CCDC170: variants seen among roughly 807,000 people sequenced by gnomAD.
CCDC170 encodes the protein coiled-coil domain containing 170.
Under a neutral mutation model 72.6 loss-of-function variants are expected in CCDC170, and 69 were observed. That is an observed-to-expected ratio of 0.95 (90% CI 0.78 to 1.16). CCDC170 has a LOEUF of 1.16. Among genes scored for constraint, CCDC170 ranks in the 50% most tolerant of loss-of-function variants. The pLI, the probability that CCDC170 is intolerant of heterozygous loss-of-function variation, is 0.00. For missense variants in CCDC170, 852 were observed against 832.5 expected (o/e 1.02, Z -0.29); for synonymous variants, 300 against 303.9 (o/e 0.99, Z 0.13).
chr6:151,591,852 C>A (rs1776541143), intron 7 of CCDC170, among the ~76,000 whole-genome samples: 1 of 151,930 alleles, frequency 6.6e-6, no homozygotes, highest in South Asian at 2.1e-4. Context: ...AAAAAAGACC[C>A]CAAAATGTTG....
rs1169104752 is a variant in CCDC170, at chr6:151,548,285, G to C, written c.589-19G>C. The C allele has an allele frequency of 4.6e-6, 7 of 1,523,568 alleles. No homozygotes were observed. In the South Asian group the frequency reaches 9.2e-5, roughly 20 times the overall value. The allele number at this position is 1,523,568 out of a possible 1,614,324, so 94.4% of individuals were successfully genotyped here. On this transcript the variant is annotated intron_variant, in intron 4 of 10. Coordinates refer to ENST00000239374, the MANE Select transcript of CCDC170 (RefSeq NM_025059.4). ...AATTGTTAATTTTTATAGGACAGCT[G>C]TAATTGCTTTCTCTTCAGCTTAGAG...
intron 10 of CCDC170, 108 bp from the exon 11 acceptor site, chr6:151,617,839 C>T: frequency 1.0e-6 from 1 of 985,400 alleles, no homozygotes; most frequent in East Asian, 2.4e-5. Context: ...ATTTCCCTAC[C>T]TCATGCAAAC....
chr6:151,589,917 T>C (rs529100173), intron 7 of CCDC170, among the ~76,000 whole-genome samples: 41 of 152,292 alleles, frequency 2.7e-4, no homozygotes, highest in African/African-American at 9.6e-4. Flanking sequence ...GGCAGGACCC[T>C]GGTGGGGTCT....
At chr6:151,506,520 A>G (rs1782068899) in intron 1 of CCDC170, among the ~76,000 whole-genome samples, 1 of 152,242 alleles carries the variant, frequency 6.6e-6, no homozygotes, top group Non-Finnish European at 1.5e-5. Flanking sequence ...TTTATTCAAG[A>G]TGCAGGCGAT....
chr6:151,527,217 T>G (rs781418086), intron 1 of CCDC170, among the ~76,000 whole-genome samples: 1 of 152,154 alleles, frequency 6.6e-6, no homozygotes, highest in Non-Finnish European at 1.5e-5. Flanking sequence ...GATTTTTAAC[T>G]GAATAAGAGT....
intron 8 of CCDC170, 127 bp from the exon 9 acceptor site, chr6:151,596,208 A>C (rs1220539810): frequency 1.7e-6 from 2 of 1,150,648 alleles, no homozygotes; most frequent in African/African-American, 1.6e-5. Context: ...GAATCCAATG[A>C]CTTTTTTGAT....
chr6:151,510,403 CA>C (rs1782131247), intron 1 of CCDC170, among the ~76,000 whole-genome samples: 1 of 151,980 alleles, frequency 6.6e-6, no homozygotes, highest in Non-Finnish European at 1.5e-5. Flanking sequence ...AAGAAAAAGG[CA>C]AAACAAAGCA....
chr6:151,611,553 A>G (rs1776871148), intron 9 of CCDC170, among the ~76,000 whole-genome samples: 1 of 149,302 alleles, frequency 6.7e-6, no homozygotes, highest in Non-Finnish European at 1.5e-5. Context: ...CTCTGCCTTC[A>G]TAACCTAAGC....
At position 151,499,536 on chromosome 6, in the gene CCDC170, G is replaced by C. The variant is rs143106527; in HGVS notation, c.57+5351G>C. ...ATCAGACTGTATTTGACTATTCTAG[G>C]CATGCTGTATAAGTGGAATCATACT... On this transcript the variant is annotated intron_variant, in intron 1 of 10. Coordinates refer to ENST00000239374, the MANE Select transcript of CCDC170 (RefSeq NM_025059.4). 5.6e-4 allele frequency among the ~76,000 whole-genome samples: 67 copies of C among 120,070 alleles called. 2 individuals are homozygous for C. The highest frequency in any genetic ancestry group is 1.3e-3 in the South Asian group (5 of 3,786). 78.8% of individuals were successfully genotyped at this position (120,070 alleles called of 152,430 possible).
At chr6:151,611,105 G>A (rs780905272) in intron 9 of CCDC170, among the ~76,000 whole-genome samples, 57 of 152,158 alleles carry the variant, frequency 3.7e-4, no homozygotes, top group Middle Eastern at 3.4e-3. Context: ...GTGAAACCCC[G>A]TCTCTACTAA....
intron 7 of CCDC170, among the ~76,000 whole-genome samples, chr6:151,592,498 T>C (rs1029045793): frequency 1.3e-5 from 2 of 152,174 alleles, no homozygotes; most frequent in Admixed American, 6.5e-5. Context: ...GAGTAAGGGA[T>C]GTCTTACATG....
intron 1 of CCDC170, among the ~76,000 whole-genome samples, chr6:151,533,244 C>T (rs373504762): frequency 2.4e-4 from 37 of 151,432 alleles, no homozygotes; most frequent in African/African-American, 6.5e-4. Context: ...TTAGTAGAGA[C>T]GGGGTTTCAC....
rs539475659 is a variant in CCDC170, at chr6:151,562,212, T to C, written c.775-10962T>C. Among the ~76,000 whole-genome samples, 8 of 152,326 alleles carry C rather than the reference T, an allele frequency of 5.3e-5. No individual in the cohort carries two copies. The East Asian group carries it at 1.3e-3, about 26-fold the overall frequency. ...ATCCGTATTTTGAATTCTTTATCTG[T>C]CATTTCAGATATTTTGTTCCGATTA... On this transcript the variant is annotated intron_variant, in intron 5 of 10. Coordinates refer to ENST00000239374, the MANE Select transcript of CCDC170 (RefSeq NM_025059.4).
chr6:151,508,277 C>T (rs1782092667), intron 1 of CCDC170, among the ~76,000 whole-genome samples: 1 of 152,226 alleles, frequency 6.6e-6, no homozygotes, highest in African/African-American at 2.4e-5. Flanking sequence ...GTGTCTCACG[C>T]CTATAATCCC....
chr6:151,511,424 C>A (rs1782148948), intron 1 of CCDC170, among the ~76,000 whole-genome samples: 1 of 152,186 alleles, frequency 6.6e-6, no homozygotes. Context: ...TCTTCCCATC[C>A]ATGTGCTCAT....
chr6:151,543,950 A>C (rs1371988781), intron 3 of CCDC170, among the ~76,000 whole-genome samples: 1 of 152,092 alleles, frequency 6.6e-6, no homozygotes, highest in Non-Finnish European at 1.5e-5. Flanking sequence ...CATCTCTTCG[A>C]TATACTGATT....
At chr6:151,514,357 G>GA (rs1479452371) in intron 1 of CCDC170, among the ~76,000 whole-genome samples, 2 of 114,822 alleles carry the variant, frequency 1.7e-5, no homozygotes, top group African/African-American at 8.8e-5. Context: ...GGGAGGGAGG[G>GA]AGGGAGGGAG....
chr6:151,505,670 C>T lies in CCDC170; in HGVS notation c.57+11485C>T, dbSNP rs569930857. On this transcript the variant is annotated intron_variant, in intron 1 of 10. Transcript: ENST00000239374. ...CTGCACTAGAGCCCAGGCGACAAAG[C>T]GAGACTCCGTCTCAAAAAAAAAAAG... Among the ~76,000 whole-genome samples, 12 of 151,716 alleles carry T rather than the reference C, an allele frequency of 7.9e-5. No homozygotes were observed. In the South Asian group the frequency reaches 2.1e-3, roughly 26 times the overall value.
chr6:151,527,120 C>A (rs1156262099), intron 1 of CCDC170, among the ~76,000 whole-genome samples: 4 of 133,720 alleles, frequency 3.0e-5, no homozygotes, highest in Non-Finnish European at 6.2e-5. Context: ...TGGCTACGAA[C>A]TCCTGGCCTC....
Sources: allele counts gnomAD v4.1 joint callset (sites outside exome capture counted in the v4.1 genomes callset), GRCh38; gene constraint gnomAD v4.1.1; transcripts MANE v1.5; gene names NCBI Gene and HGNC (gene_info 2026-07-23, HGNC 2026-07-21).